Variants in DLGAP1 observed in about 807,000 individuals in gnomAD.
The protein encoded by DLGAP1 is DLG associated protein 1.
Under a neutral mutation model 90.8 loss-of-function variants are expected in DLGAP1, and 11 were observed. That is an observed-to-expected ratio of 0.12 (90% CI 0.08 to 0.20). The LOEUF (loss-of-function observed/expected upper bound fraction) is 0.20, where lower values mean the gene tolerates loss of function less well. Among genes scored for constraint, DLGAP1 ranks in the 10% least tolerant of loss-of-function variants. The pLI is 1.00. For synonymous variants in DLGAP1, 558 were observed against 540.7 expected, an observed-to-expected ratio of 1.03 and a Z score of -0.44; for missense variants, 1,050 against 1,333.8, an observed-to-expected ratio of 0.79 and a Z score of 3.31.
At chr18:4,249,703 T>A (rs1011309399) in intron 1 of DLGAP1, among the ~76,000 whole-genome samples, 1 of 152,134 alleles carries the variant, frequency 6.6e-6, no homozygotes, top group African/African-American at 2.4e-5. Context: ...TCGTCTCACC[T>A]CAGCCTTCCC....
intron 2 of DLGAP1, among the ~76,000 whole-genome samples, chr18:4,105,624 A>G (rs996195505): frequency 6.6e-6 from 1 of 152,378 alleles, no homozygotes; most frequent in East Asian, 1.9e-4. Flanking sequence ...AGAAACATGT[A>G]AATGGCAGAA....
chr18:3,802,721 C>T (rs1227522842), intron 5 of DLGAP1, among the ~76,000 whole-genome samples: 4 of 152,070 alleles, frequency 2.6e-5, no homozygotes, highest in Non-Finnish European at 5.9e-5. Context: ...GGCACTGAAT[C>T]GTATATGTGC....
intron 2 of DLGAP1, among the ~76,000 whole-genome samples, chr18:4,006,717 C>T (rs955007284): frequency 4.0e-5 from 6 of 151,370 alleles, no homozygotes; most frequent in African/African-American, 1.5e-4. Flanking sequence ...ACGATCACAG[C>T]TCACTGCATC....
chr18:4,390,875 C>CATGTTCTCT (rs2082327321), intron 1 of DLGAP1, among the ~76,000 whole-genome samples: 1 of 152,186 alleles, frequency 6.6e-6, no homozygotes, highest in African/African-American at 2.4e-5. Flanking sequence ...ACGGTTCCTC[C>CATGTTCTCT]ATGTTCTCTT....
At chr18:4,300,606 A>C (rs2080101908) in intron 1 of DLGAP1, among the ~76,000 whole-genome samples, 1 of 152,100 alleles carries the variant, frequency 6.6e-6, no homozygotes, top group African/African-American at 2.4e-5. Flanking sequence ...TCTGAGCTCT[A>C]CTGGTATTAC....
intron 2 of DLGAP1, among the ~76,000 whole-genome samples, chr18:4,067,982 A>T (rs1344616230): frequency 6.6e-6 from 1 of 151,904 alleles, no homozygotes; most frequent in South Asian, 2.1e-4. Flanking sequence ...GCCAGAATCA[A>T]CCTCAAATAT....
intron 1 of DLGAP1, among the ~76,000 whole-genome samples, chr18:4,290,268 C>A (rs956115822): frequency 2.0e-5 from 3 of 152,112 alleles, no homozygotes; most frequent in Non-Finnish European, 2.9e-5. Flanking sequence ...AAAAAGAATA[C>A]GCATCAGGAG....
intron 7 of DLGAP1, among the ~76,000 whole-genome samples, chr18:3,643,421 T>G (rs770630252): frequency 5.3e-5 from 8 of 152,026 alleles, no homozygotes; most frequent in Admixed American, 2.0e-4. Flanking sequence ...CCTAGCACTT[T>G]GGGAGGCAGA....
At chr18:4,107,648 T>G (rs2075893577) in intron 2 of DLGAP1, among the ~76,000 whole-genome samples, 2 of 152,158 alleles carry the variant, frequency 1.3e-5, no homozygotes. Context: ...GTGAACTGAG[T>G]GATGTGTAAA....
intron 2 of DLGAP1, among the ~76,000 whole-genome samples, chr18:4,105,884 T>C (rs1022222458): frequency 2.6e-5 from 4 of 151,240 alleles, no homozygotes; most frequent in East Asian, 2.0e-4. Flanking sequence ...CAAAAAAAAT[T>C]AGCCGGGCGT....
chr18:4,117,392 C>G, intron 2 of DLGAP1, among the ~76,000 whole-genome samples: 4 of 152,176 alleles, frequency 2.6e-5, no homozygotes, highest in Non-Finnish European at 5.9e-5. Context: ...TACATTGTAG[C>G]AACACTGCTT....
chr18:4,364,333 C>T (rs1049886735), intron 1 of DLGAP1, among the ~76,000 whole-genome samples: 2 of 149,966 alleles, frequency 1.3e-5, no homozygotes, highest in Non-Finnish European at 3.0e-5. Context: ...GTGCAGCACA[C>T]CAGCATGGCA....
chr18:3,948,601 T>TA (rs2072921298), intron 3 of DLGAP1, among the ~76,000 whole-genome samples: 1 of 152,150 alleles, frequency 6.6e-6, no homozygotes, highest in South Asian at 2.1e-4. Context: ...AAGGAATAGT[T>TA]AAAAATGACT....
At chr18:4,237,573 CCT>C (rs2078445429) in intron 1 of DLGAP1, among the ~76,000 whole-genome samples, 1 of 152,022 alleles carries the variant, frequency 6.6e-6, no homozygotes, top group Non-Finnish European at 1.5e-5. Flanking sequence ...ACTCTGCGGC[CCT>C]CTCTTCAAAT....
chr18:3,810,479 AT>A (rs1162255295), intron 5 of DLGAP1, among the ~76,000 whole-genome samples: 6 of 152,326 alleles, frequency 3.9e-5, no homozygotes, highest in African/African-American at 1.4e-4. Context: ...AATTTTAGTT[AT>A]CTTGGTTCAG....
chr18:4,449,887 G>T (rs1567933644), intron 1 of DLGAP1, among the ~76,000 whole-genome samples: 1 of 152,158 alleles, frequency 6.6e-6, no homozygotes, highest in Non-Finnish European at 1.5e-5. Context: ...AGAAGCTCTA[G>T]AATCAAGTGA....
At chr18:4,306,391 CAGA>C (rs1336714788) in intron 1 of DLGAP1, among the ~76,000 whole-genome samples, 7 of 149,572 alleles carry the variant, frequency 4.7e-5, no homozygotes, top group Non-Finnish European at 8.9e-5. Context: ...ATGATCATAT[CAGA>C]AGGATATGAG....
At chr18:4,176,143 AT>A (rs979840011) in intron 1 of DLGAP1, among the ~76,000 whole-genome samples, 136 of 152,246 alleles carry the variant, frequency 8.9e-4, no homozygotes, top group African/African-American at 3.2e-3. Context: ...GGTCCTTCAC[AT>A]CCCTTGCTAG....
chr18:3,741,029 C>T (rs376706811), intron 6 of DLGAP1, among the ~76,000 whole-genome samples: 7,484 of 88,334 alleles, frequency 0.085, 293 homozygotes, highest in South Asian at 0.1. Context: ...ACCACCACCA[C>T]CACCACCATC....
Sources: gnomAD v4.1 joint callset for allele counts (sites outside exome capture counted in the v4.1 genomes callset) on GRCh38, gnomAD v4.1.1 for gene constraint, MANE v1.5 for transcripts, NCBI Gene and HGNC (gene_info 2026-07-23, HGNC 2026-07-21) for gene names.